Variants in BCKDK observed in about 807,000 individuals in gnomAD.
BCKDK encodes branched chain keto acid dehydrogenase kinase.
BCKDK carries 28 observed loss-of-function variants against 43.9 expected under a neutral mutation model. That is an observed-to-expected ratio of 0.64 (90% confidence interval 0.47 to 0.87). BCKDK has a LOEUF of 0.87. Ranked by LOEUF, BCKDK falls within the 40% of genes least tolerant of loss-of-function variation. The probability of loss-of-function intolerance (pLI) is 0.00; values close to 1 mark genes in which losing one functional copy is unlikely to be tolerated. For synonymous variants in BCKDK, 257 were observed against 234.3 expected (o/e 1.10, Z -0.88); for missense variants, 483 against 581.4 (o/e 0.83, Z 1.74).
In BCKDK at chr16:31,112,054, G is replaced by C. The variant is rs922590624; in HGVS notation, c.1094+27G>C. ...TGAGACCCTGCCAGGCCAGGATGGA[G>C]GGGTGGGGGACCCCAGGAGACTCAA... is the stretch of plus-strand genomic sequence containing the variant. On this transcript the variant is annotated intron_variant, in intron 11 of 11. Transcript: ENST00000219794. The surrounding 1 kb of genome is among the most constrained non-coding windows in gnomAD (Gnocchi z 5.0). The C allele has an allele frequency of 1.9e-6, 3 of 1,613,346 alleles. No individual in the cohort carries two copies. Among genetic ancestry groups the C allele is most frequent in the Non-Finnish European group, 8.5e-7 (1 of 1,179,600 alleles).
At position 31,111,150 on chromosome 16, in the gene BCKDK, C is replaced by A. The variant is rs770548118; in HGVS notation, c.776C>A (p.Ala259Asp). The change falls in exon 9 of 12, where the codon GCT (alanine) becomes GAT (aspartate). Residue 259 changes from alanine (A) to aspartate (D), a missense_variant. Coordinates refer to ENST00000219794, the MANE Select transcript of BCKDK (RefSeq NM_005881.4). Reference protein sequence around the residue: ...APRVRINGHVAARFPFIPMPL... With the variant: ...APRVRINGHVDARFPFIPMPL... ...CGTGTCCGCATCAATGGCCATGTGG[C>A]TGCCCGGTTCCCCTTCATCCCTATG... The A allele has an allele frequency of 6.2e-7, 1 of 1,614,188 alleles. No homozygotes were observed. The highest frequency in any genetic ancestry group is 8.5e-7 in the Non-Finnish European group (1 of 1,180,026).
rs2057398673 is a variant in BCKDK, at chr16:31,110,169, T to G, written c.424-36T>G. The G allele has an allele frequency of 6.2e-7, 1 of 1,614,026 alleles. No individual in the cohort carries two copies. Among genetic ancestry groups the G allele is most frequent in the Non-Finnish European group, 8.5e-7 (1 of 1,180,034 alleles). On this transcript the variant is annotated intron_variant, in intron 5 of 11. Transcript: ENST00000219794. The surrounding 1 kb of genome is among the most constrained non-coding windows in gnomAD (Gnocchi z 5.4). ...AGGGTGAGGGGCTGAGAGGTTGGGC[T>G]TGGACCACCCTTCCTCATGACTCTG...
At chr16:31,111,068 T>C (rs771531811) in intron 8 of BCKDK, 23 bp from the exon 9 acceptor site, 7 of 1,612,612 alleles carry the variant, frequency 4.3e-6, no homozygotes, top group Non-Finnish European at 5.9e-6. Context: ...GGCCCCTGAC[T>C]GAACCCTCGC....
Position 31,109,252 on chromosome 16 carries a change from G to C in BCKDK, c.29G>C (p.Gly10Ala). The C allele has an allele frequency of 6.5e-7, 1 of 1,544,080 alleles. No homozygotes were observed. Among genetic ancestry groups the C allele is most frequent in the East Asian group, 2.3e-5 (1 of 44,172 alleles). Reference protein sequence around the residue: MILASVLRSGPGGGLPLRPL... With the variant: MILASVLRSAPGGGLPLRPL... ...ATCCTGGCGTCGGTGCTGAGGAGCG[G>C]TCCCGGGGGCGGGCTTCCGCTCCGG... Residue 10 changes from glycine (G) to alanine (A), a missense_variant, in exon 2 of 12, where the codon GGT becomes GCT. Transcript: ENST00000219794. This position sits in a 1 kb window ranked among gnomAD's most constrained non-coding sequence, Gnocchi z 5.3.
Position 31,112,654 on chromosome 16 carries a change from G to A in BCKDK, c.*389G>A, listed in dbSNP as rs1253111052. ...CTGAGCCCTTGGGTTGAACTGGTTCGTGTCCCAGTCTCTTACCTGCCCTGA... is the reference window on the plus strand; with the variant it reads ...CTGAGCCCTTGGGTTGAACTGGTTCATGTCCCAGTCTCTTACCTGCCCTGA... On this transcript the variant is annotated 3_prime_UTR_variant, in exon 12 of 12. Transcript: ENST00000219794. The surrounding 1 kb of genome is among the most constrained non-coding windows in gnomAD (Gnocchi z 5.0). 3 of 369,652 alleles carry A rather than the reference G, an allele frequency of 8.1e-6. No homozygotes were observed. The highest frequency in any genetic ancestry group is 9.0e-4 in the Middle Eastern group (1 of 1,110). 22.9% of individuals were successfully genotyped at this position (369,652 alleles called of 1,614,324 possible). A position where few individuals can be genotyped will look rare whatever the true frequency, so the allele number is the denominator to read the frequency against.
chr16:31,108,959 G>T lies in BCKDK; in HGVS notation c.-177-88G>T. 1 of 366,084 alleles carries T rather than the reference G, an allele frequency of 2.7e-6. No individual in the cohort carries two copies. 22.7% of individuals were successfully genotyped at this position (366,084 alleles called of 1,614,324 possible). A position where few individuals can be genotyped will look rare whatever the true frequency, so the allele number is the denominator to read the frequency against. ...GGGAGTGGTGGGGAGAGGTCGCCCG[G>T]GTCTGGGGAGACCGATGCACAGGTG... is the stretch of plus-strand genomic sequence containing the variant. On this transcript the variant is annotated intron_variant, in intron 1 of 11. Transcript: ENST00000219794. The surrounding 1 kb of genome is among the most constrained non-coding windows in gnomAD (Gnocchi z 6.2).
Position 31,109,862 on chromosome 16 carries a change from A to G in BCKDK, c.375+79A>G. On this transcript the variant is annotated intron_variant, in intron 4 of 11. Transcript: ENST00000219794. This position sits in a 1 kb window ranked among gnomAD's most constrained non-coding sequence, Gnocchi z 5.3. ...GGGAGTCTGGGGCCCAGAGTGGCAG[A>G]CGATTGCTTGCCTAAAGGTGTCAGG... 2.0e-6 allele frequency: 3 copies of G among 1,494,568 alleles called. No individual in the cohort carries two copies. Among genetic ancestry groups the G allele is most frequent in the Non-Finnish European group, 2.8e-6 (3 of 1,076,596 alleles). The allele number at this position is 1,494,568 out of a possible 1,614,324, so 92.6% of individuals were successfully genotyped here.
Position 31,112,329 on chromosome 16 carries a change from G to C in BCKDK, c.*64G>C. 6.3e-7 allele frequency: 1 copy of C among 1,598,468 alleles called. No individual in the cohort carries two copies. Among genetic ancestry groups the C allele is most frequent in the Non-Finnish European group, 8.5e-7 (1 of 1,178,856 alleles). ...CCGCATTCCCTGCAGGACCTCCCGG[G>C]TCAGGCAGGGCGGCCCCCTGCTCCA... On this transcript the variant is annotated 3_prime_UTR_variant, in exon 12 of 12. Transcript: ENST00000219794. This position sits in a 1 kb window ranked among gnomAD's most constrained non-coding sequence, Gnocchi z 5.0.
At chr16:31,111,834 C>T (rs776686374) in intron 10 of BCKDK, 35 bp from the exon 11 acceptor site, 1 of 1,611,792 alleles carries the variant, frequency 6.2e-7, no homozygotes, top group Non-Finnish European at 8.5e-7. Flanking sequence ...CCCATCAAAG[C>T]TGAGCCAAGC....
chr16:31,111,488 C>T, intron 10 of BCKDK, 99 bp downstream of exon 10: 1 of 1,340,316 alleles, frequency 7.5e-7, no homozygotes, highest in Non-Finnish European at 1.1e-6. Context: ...CTGCCCCATT[C>T]TGGGACTTGG....
At position 31,110,189 on chromosome 16, in the gene BCKDK, A is replaced by C. The variant is rs2057398884; in HGVS notation, c.424-16A>C. The C allele has an allele frequency of 6.2e-7, 1 of 1,613,818 alleles. No individual in the cohort carries two copies. Among genetic ancestry groups the C allele is most frequent in the African/African-American group, 1.3e-5 (1 of 74,918 alleles). On this transcript the variant is annotated splice_polypyrimidine_tract_variant and intron_variant, in intron 5 of 11. Coordinates refer to ENST00000219794, the MANE Select transcript of BCKDK (RefSeq NM_005881.4). The surrounding 1 kb of genome is among the most constrained non-coding windows in gnomAD (Gnocchi z 5.4). ...TGGGCTTGGACCACCCTTCCTCATG[A>C]CTCTGTGACCTGCAGATCAAGGACC...
At position 31,110,632 on chromosome 16, in the gene BCKDK, G is replaced by A. The variant is rs2057403622; in HGVS notation, c.643-56G>A. 1 of 1,601,720 alleles carries A rather than the reference G, an allele frequency of 6.2e-7. No individual in the cohort carries two copies. The highest frequency in any genetic ancestry group is 8.6e-7 in the Non-Finnish European group (1 of 1,169,070). On this transcript the variant is annotated intron_variant, in intron 7 of 11. Coordinates refer to ENST00000219794, the MANE Select transcript of BCKDK (RefSeq NM_005881.4). This position sits in a 1 kb window ranked among gnomAD's most constrained non-coding sequence, Gnocchi z 5.4. Reference sequence around the variant, plus strand: ...CTTTGGGGCAGTTCCGAAGTTGCCAGCATCTTGGGGTGGGGCTAGGGGCGT... The same window carrying A: ...CTTTGGGGCAGTTCCGAAGTTGCCAACATCTTGGGGTGGGGCTAGGGGCGT...
In BCKDK at chr16:31,109,151, T is replaced by C. The variant is rs1024484375; in HGVS notation, c.-73T>C. The C allele has an allele frequency of 1.5e-5, 20 of 1,379,250 alleles. No homozygotes were observed. In the East Asian group the frequency reaches 4.9e-4, roughly 34 times the overall value. 85.4% of individuals were successfully genotyped at this position (1,379,250 alleles called of 1,614,324 possible). On this transcript the variant is annotated 5_prime_UTR_variant, in exon 2 of 12. Coordinates refer to ENST00000219794, the MANE Select transcript of BCKDK (RefSeq NM_005881.4). The surrounding 1 kb of genome is among the most constrained non-coding windows in gnomAD (Gnocchi z 5.3). Reference sequence around the variant, plus strand: ...CCCACCCACACCCCCTTGCCCCATTTTGGGTCGCCTGGGTCCTCAGTCCTA... The same window carrying C: ...CCCACCCACACCCCCTTGCCCCATTCTGGGTCGCCTGGGTCCTCAGTCCTA...
chr16:31,115,443 G>A (rs946063973), downstream of BCKDK, among the ~76,000 whole-genome samples: 10 of 151,550 alleles, frequency 6.6e-5, no homozygotes, highest in Admixed American at 2.0e-4. Flanking sequence ...GGCTGGTCTC[G>A]AACTCCCGAC....
chr16:31,112,313 C>G lies in BCKDK; in HGVS notation c.*48C>G. The G allele has an allele frequency of 6.2e-7, 1 of 1,601,488 alleles. No homozygotes were observed. Among genetic ancestry groups the G allele is most frequent in the Non-Finnish European group, 8.5e-7 (1 of 1,179,830 alleles). On this transcript the variant is annotated 3_prime_UTR_variant, in exon 12 of 12. Coordinates refer to ENST00000219794, the MANE Select transcript of BCKDK (RefSeq NM_005881.4). This position sits in a 1 kb window ranked among gnomAD's most constrained non-coding sequence, Gnocchi z 5.0. ...ACCCGACCAGCCTGGGCCGCATTCC[C>G]TGCAGGACCTCCCGGGTCAGGCAGG... is the stretch of plus-strand genomic sequence containing the variant.
At position 31,109,826 on chromosome 16, in the gene BCKDK, G is replaced by C. The variant is rs200118163; in HGVS notation, c.375+43G>C. On this transcript the variant is annotated intron_variant, in intron 4 of 11. Transcript: ENST00000219794. This position sits in a 1 kb window ranked among gnomAD's most constrained non-coding sequence, Gnocchi z 5.3. ...TTAGGTCAGCGGGCCACCCTGCCCC[G>C]GGGGCAAGTGGGGAGTCTGGGGCCC... 23 of 1,578,542 alleles carry C rather than the reference G, an allele frequency of 1.5e-5. No homozygotes were observed. In the Admixed American group the frequency reaches 3.0e-4, roughly 21 times the overall value.
At chr16:31,111,046 C>T in intron 8 of BCKDK, 45 bp from the exon 9 acceptor site, 7 of 1,607,980 alleles carry the variant, frequency 4.4e-6, no homozygotes, top group Non-Finnish European at 5.9e-6. Flanking sequence ...AGTTGCAAAC[C>T]ACTGGTGGAG....
At position 31,109,939 on chromosome 16, in the gene BCKDK, G is replaced by A. The variant is rs915900895; in HGVS notation, c.376-138G>A. 28 of 1,405,470 alleles carry A rather than the reference G, an allele frequency of 2.0e-5. No homozygotes were observed. Among genetic ancestry groups the A allele is most frequent in the Middle Eastern group, 1.8e-4 (1 of 5,622 alleles). 87.1% of individuals were successfully genotyped at this position (1,405,470 alleles called of 1,614,324 possible). A position where few individuals can be genotyped will look rare whatever the true frequency, so the allele number is the denominator to read the frequency against. ...TCAGAAGCCAAAGGTGTGTATTCAC[G>A]GAGCCTGGAAGGGTCGAAGTGGGGG... On this transcript the variant is annotated intron_variant, in intron 4 of 11. Coordinates refer to ENST00000219794, the MANE Select transcript of BCKDK (RefSeq NM_005881.4). This position sits in a 1 kb window ranked among gnomAD's most constrained non-coding sequence, Gnocchi z 5.3.
chr16:31,109,287 G>T lies in BCKDK; in HGVS notation c.64G>T (p.Gly22Ter). The T allele has an allele frequency of 1.9e-6, 3 of 1,600,678 alleles. No individual in the cohort carries two copies. The highest frequency in any genetic ancestry group is 2.6e-6 in the Non-Finnish European group (3 of 1,173,498). The part of the protein sequence containing the change: ...GGGLPLRPLL[G>*]PALALRARST... Reference sequence around the variant, plus strand: ...CGGGCTTCCGCTCCGGCCCCTCCTGGGACCCGCACTCGCGCTCCGGGCCCG... The same window carrying T: ...CGGGCTTCCGCTCCGGCCCCTCCTGTGACCCGCACTCGCGCTCCGGGCCCG... Residue 22 changes from glycine to a stop codon, truncating the protein, a stop_gained, in exon 2 of 12, where the codon GGA becomes TGA. Transcript: ENST00000219794. LOFTEE classifies it high-confidence loss of function. This position sits in a 1 kb window ranked among gnomAD's most constrained non-coding sequence, Gnocchi z 5.3.
Sources: gnomAD v4.1 joint callset for allele counts (sites outside exome capture counted in the v4.1 genomes callset) on GRCh38, gnomAD v4.1.1 for gene constraint, Gnocchi (gnomAD v3.1) non-coding constraint, MANE v1.5 for transcripts, NCBI Gene and HGNC (gene_info 2026-07-23, HGNC 2026-07-21) for gene names.